AACS: variants seen among roughly 807,000 people sequenced by gnomAD.
AACS encodes acetoacetyl-CoA synthetase, also known as acetoacetate-CoA ligase.
A neutral mutation model predicts 83.1 loss-of-function variants in AACS; 69 were observed. The observed-to-expected ratio is 0.83, with a 90% confidence interval of 0.68 to 1.01. AACS has a LOEUF of 1.01. Among genes scored for constraint, AACS ranks in the 50% least tolerant of loss-of-function variants. AACS has a pLI of 0.00. For missense variants in AACS, 866 were observed against 882.2 expected, an observed-to-expected ratio of 0.98 and a Z score of 0.23; for synonymous variants, 333 against 343.4, an observed-to-expected ratio of 0.97 and a Z score of 0.33.
chr12:125,110,221 G>C (rs997297861), intron 8 of AACS, among the ~76,000 whole-genome samples: 2 of 149,556 alleles, frequency 1.3e-5, no homozygotes, highest in Non-Finnish European at 3.0e-5. Context: ...GTGTGTGTGT[G>C]TGTGTGTGTG....
chr12:125,114,891 A>G (rs1803266296), intron 9 of AACS, among the ~76,000 whole-genome samples: 1 of 146,634 alleles, frequency 6.8e-6, no homozygotes, highest in Admixed American at 6.7e-5. Flanking sequence ...GCACATGGTA[A>G]GGGCTTCCCC....
At chr12:125,066,884 A>C (rs1955715874) in intron 1 of AACS, among the ~76,000 whole-genome samples, 1 of 152,130 alleles carries the variant, frequency 6.6e-6, no homozygotes, top group Non-Finnish European at 1.5e-5. Context: ...CTGTGGCACC[A>C]GAAGTCTTCT....
Position 125,130,849 on chromosome 12 carries a change from A to G in AACS, c.1549+1389A>G, listed in dbSNP as rs779707292. Among the ~76,000 whole-genome samples, 1 of 152,184 alleles carries G rather than the reference A, an allele frequency of 6.6e-6. No individual in the cohort carries two copies. ...TCAGTTTTAAAGGTAGCTTCCTCCA[A>G]TACTTCCTGAGTGTAGGTGAGAGAT... is the stretch of plus-strand genomic sequence containing the variant. On this transcript the variant is annotated intron_variant, in intron 14 of 17. Transcript: ENST00000316519. This position sits in a 1 kb window ranked among gnomAD's most constrained non-coding sequence, Gnocchi z 4.9.
intron 8 of AACS, among the ~76,000 whole-genome samples, chr12:125,110,148 T>C (rs1956922011): frequency 6.6e-6 from 1 of 150,568 alleles, no homozygotes. Context: ...GCCTCCTGAG[T>C]AGCTGGGATT....
intron 12 of AACS, 23 bp downstream of exon 12, chr12:125,125,047 C>A: frequency 1.2e-6 from 2 of 1,613,680 alleles, no homozygotes; most frequent in South Asian, 2.2e-5. Context: ...TGGGGACAGT[C>A]CTTCCAGCCA....
At chr12:125,089,409 G>T (rs988347768) in intron 4 of AACS, among the ~76,000 whole-genome samples, 1 of 152,154 alleles carries the variant, frequency 6.6e-6, no homozygotes, top group Non-Finnish European at 1.5e-5. Context: ...ATGAGGCCTT[G>T]TTCATGGCCC....
At chr12:125,141,272 C>T (rs1957484562) in intron 17 of AACS, 2 of 152,698 alleles carry the variant, frequency 1.3e-5, no homozygotes, top group Non-Finnish European at 2.9e-5. Flanking sequence ...TTTATATTCC[C>T]ATCTGGAATA....
chr12:125,121,144 G>T (rs1448669682), intron 10 of AACS: 1 of 152,268 alleles, frequency 6.6e-6, no homozygotes, highest in Non-Finnish European at 1.5e-5. Flanking sequence ...TGTGGCCATC[G>T]CCCCGCCTGA....
intron 5 of AACS, among the ~76,000 whole-genome samples, chr12:125,096,437 T>C (rs1229644829): frequency 6.6e-6 from 1 of 152,214 alleles, no homozygotes; most frequent in Non-Finnish European, 1.5e-5. Context: ...AGTGTAGACA[T>C]GCCATTTGTG....
rs1956093558 is a variant in AACS at position 125,078,838 on chromosome 12, A to G, written c.358+2227A>G. On this transcript the variant is annotated intron_variant, in intron 3 of 17. Transcript: ENST00000316519. Reference sequence around the variant, plus strand: ...TCCGTCTCAAAAAAAAAAAAAAAAAAAAAAAAAGCCTCCTCTGCAAGGAGA... The same window carrying G: ...TCCGTCTCAAAAAAAAAAAAAAAAAGAAAAAAAGCCTCCTCTGCAAGGAGA... Among the ~76,000 whole-genome samples, 9 of 151,110 alleles carry G rather than the reference A, an allele frequency of 6.0e-5. 1 individual carries two copies. In the South Asian group the frequency reaches 1.7e-3, roughly 28 times the overall value.
intron 1 of AACS, among the ~76,000 whole-genome samples, chr12:125,072,914 C>CTTTTTTTTTTTTTTTTTTTTTTTTTT (rs1468407659): frequency 8.9e-6 from 1 of 112,200 alleles, no homozygotes; most frequent in African/African-American, 3.3e-5. Flanking sequence ...TACCATGTAA[C>CTTTTTTTTTTTTTTTTTTTTTTTTTT]TTTTGTTTTT....
At chr12:125,128,515 G>A (rs1565952831) in intron 13 of AACS, 5 of 343,842 alleles carry the variant, frequency 1.5e-5, no homozygotes, top group South Asian at 1.7e-4. Flanking sequence ...ATGTGTGCTC[G>A]GGAACAGTGG....
At position 125,107,225 on chromosome 12, in the gene AACS, C is replaced by T. The variant is rs373177690; in HGVS notation, c.872C>T (p.Ser291Leu). Reference protein sequence around the residue: ...FSHPLFIMFSSGTTGAPKCMV... With the variant: ...FSHPLFIMFSLGTTGAPKCMV... ...CACCCACTGTTCATCATGTTCTCAT[C>T]GGGCACCACGGGCGCACCCAAGTGC... The change falls in exon 8 of 18, where the codon TCG becomes TTG. Residue 291 changes from serine (S) to leucine (L), a missense_variant. Transcript: ENST00000316519. 35 of 1,613,944 alleles carry T rather than the reference C, an allele frequency of 2.2e-5. No individual in the cohort carries two copies. Among genetic ancestry groups the T allele is most frequent in the East Asian group, 8.9e-5 (4 of 44,904 alleles).
chr12:125,078,425 G>C (rs1176534156), intron 3 of AACS: 3 of 425,090 alleles, frequency 7.1e-6, no homozygotes, highest in Non-Finnish European at 1.4e-5. Flanking sequence ...GGTCATGGCA[G>C]AGTAGATAGG....
At position 125,085,177 on chromosome 12, in the gene AACS, A is replaced by G. The variant is rs188206522; in HGVS notation, c.359-1153A>G. The stretch of plus-strand genomic sequence containing the variant: ...ATATCTCAATTGTGGTGGTTGCAGG[A>G]AATTCCGTAAGGTGGCAGAGAACCT... On this transcript the variant is annotated intron_variant, in intron 3 of 17. Transcript: ENST00000316519. Among the ~76,000 whole-genome samples, 4 of 152,342 alleles carry G rather than the reference A, an allele frequency of 2.6e-5. No individual in the cohort carries two copies. In the East Asian group the frequency reaches 7.7e-4, roughly 29 times the overall value.
At chr12:125,108,832 T>C (rs1181156127) in intron 8 of AACS, among the ~76,000 whole-genome samples, 1 of 150,328 alleles carries the variant, frequency 6.7e-6, no homozygotes, top group East Asian at 2.0e-4. Flanking sequence ...TATGCCCTAC[T>C]CGTTTTTTTG....
At chr12:125,114,604 C>T in intron 9 of AACS, 47 bp downstream of exon 9, 1 of 1,548,236 alleles carries the variant, frequency 6.5e-7, no homozygotes, top group Non-Finnish European at 8.8e-7. Flanking sequence ...ACAATAGGGG[C>T]TTCCCTGGGT....
intron 1 of AACS, among the ~76,000 whole-genome samples, chr12:125,066,492 C>G (rs1177008250): frequency 6.7e-6 from 1 of 149,776 alleles, no homozygotes; most frequent in African/African-American, 2.5e-5. Context: ...TCTCGTTGCC[C>G]AGGCTGGAGT....
chr12:125,142,002 C>G, intron 17 of AACS, 90 bp from the exon 18 acceptor site: 1 of 1,532,030 alleles, frequency 6.5e-7, no homozygotes, highest in Non-Finnish European at 8.9e-7. Flanking sequence ...CCAGGTGGAG[C>G]TGGGCCTTTG....
Sources: gnomAD v4.1 joint callset for allele counts (sites outside exome capture counted in the v4.1 genomes callset) on GRCh38, gnomAD v4.1.1 for gene constraint, Gnocchi (gnomAD v3.1) non-coding constraint, MANE v1.5 for transcripts, NCBI Gene and HGNC (gene_info 2026-07-23, HGNC 2026-07-21) for gene names.